KCTD8: variants seen among roughly 807,000 people sequenced by gnomAD.
The protein encoded by KCTD8 is BTB/POZ domain-containing protein KCTD8.
Under a neutral mutation model 31.5 loss-of-function variants are expected in KCTD8, and 27 were observed. That is an observed-to-expected ratio of 0.86 (90% CI 0.63 to 1.18). The LOEUF is 1.18. Among genes scored for constraint, KCTD8 ranks in the 50% most tolerant of loss-of-function variants. The pLI, the probability that KCTD8 is intolerant of heterozygous loss-of-function variation, is 0.00. For synonymous variants in KCTD8, 290 were observed against 280.0 expected, an observed-to-expected ratio of 1.04 and a Z score of -0.36; for missense variants, 658 against 647.7, an observed-to-expected ratio of 1.02 and a Z score of -0.17.
intron 1 of KCTD8, among the ~76,000 whole-genome samples, chr4:44,417,469 CA>C (rs1370912332): frequency 1.3e-5 from 2 of 151,892 alleles, no homozygotes; most frequent in African/African-American, 4.8e-5. Flanking sequence ...TGTACTGGCT[CA>C]AAAGAACTTG....
At position 44,240,987 on chromosome 4, in the gene KCTD8, T is replaced by C. The variant is rs149657338; in HGVS notation, c.962-65737A>G. Among the ~76,000 whole-genome samples the C allele has an allele frequency of 3.3e-3, 509 of 152,326 alleles. 11 individuals are homozygous for C. Among genetic ancestry groups the C allele is most frequent in the Admixed American group, 0.031 (474 of 15,288 alleles). On this transcript the variant is annotated intron_variant, in intron 1 of 1. Coordinates refer to ENST00000360029, the MANE Select transcript of KCTD8 (RefSeq NM_198353.3). ...CCATGATCTCAGGCAGAATCACAGA[T>C]GGTTTTGAGACCAAAACCCACACTT... is the stretch of plus-strand genomic sequence containing the variant.
At chr4:44,402,638 A>G (rs1176712226) in intron 1 of KCTD8, among the ~76,000 whole-genome samples, 1 of 152,124 alleles carries the variant, frequency 6.6e-6, no homozygotes, top group African/African-American at 2.4e-5. Flanking sequence ...AAATGTATTT[A>G]CACTTAGATT....
intron 1 of KCTD8, among the ~76,000 whole-genome samples, chr4:44,407,482 G>A (rs1720829356): frequency 6.6e-6 from 1 of 151,470 alleles, no homozygotes; most frequent in African/African-American, 2.4e-5. Context: ...CACCTCCCAG[G>A]TTCAAGAGAT....
At chr4:44,405,548 G>A (rs1012299749) in intron 1 of KCTD8, among the ~76,000 whole-genome samples, 6 of 151,972 alleles carry the variant, frequency 3.9e-5, no homozygotes, top group African/African-American at 1.2e-4. Context: ...GATTACAGGC[G>A]TGAGCCACCG....
chr4:44,210,057 C>A (rs1017299784), intron 1 of KCTD8, among the ~76,000 whole-genome samples: 2 of 152,132 alleles, frequency 1.3e-5, no homozygotes, highest in African/African-American at 4.8e-5. Context: ...GGCAAATTAA[C>A]CTCTCTGAAT....
intron 1 of KCTD8, among the ~76,000 whole-genome samples, chr4:44,185,863 C>CT (rs1713569865): frequency 6.6e-6 from 1 of 151,526 alleles, no homozygotes; most frequent in African/African-American, 2.4e-5. Flanking sequence ...TCCCTGTGTT[C>CT]TGCCCCACCA....
chr4:44,177,466 T>A (rs577934460), intron 1 of KCTD8, among the ~76,000 whole-genome samples: 52 of 152,270 alleles, frequency 3.4e-4, no homozygotes, highest in African/African-American at 1.2e-3. Flanking sequence ...CACCCAAATA[T>A]CATCTTGAAT....
At chr4:44,375,268 C>T (rs1719890894) in intron 1 of KCTD8, among the ~76,000 whole-genome samples, 2 of 152,064 alleles carry the variant, frequency 1.3e-5, no homozygotes, top group Non-Finnish European at 2.9e-5. Flanking sequence ...GAAGACAGAA[C>T]TCCAGAAAGT....
intron 1 of KCTD8, among the ~76,000 whole-genome samples, chr4:44,221,018 C>T (rs918549884): frequency 6.6e-6 from 1 of 152,080 alleles, no homozygotes. Context: ...CATTGTATGT[C>T]GTCATCACTG....
intron 1 of KCTD8, among the ~76,000 whole-genome samples, chr4:44,326,710 T>C (rs952566615): frequency 1.3e-5 from 2 of 151,994 alleles, no homozygotes; most frequent in African/African-American, 4.8e-5. Flanking sequence ...ATGAGTCTAG[T>C]TGTTTGTCTA....
chr4:44,316,673 G>A (rs577611695), intron 1 of KCTD8, among the ~76,000 whole-genome samples: 10 of 151,536 alleles, frequency 6.6e-5, no homozygotes, highest in South Asian at 2.1e-4. Flanking sequence ...AAATCAGGCC[G>A]GGCGTGGTGG....
In KCTD8 at chr4:44,300,946, TATGAGTGAGAAC is replaced by T. The variant is rs1392729108; in HGVS notation, c.962-125708_962-125697del. 2.8e-5 allele frequency among the ~76,000 whole-genome samples: 4 copies of T among 143,196 alleles called. No individual in the cohort carries two copies. The Admixed American group carries it at 2.9e-4, about 10-fold the overall frequency. The allele number at this position is 143,196 out of a possible 152,430, so 93.9% of individuals were successfully genotyped here. ...ATGTTCTCATTGTTCAATTCCCATC[TATGAGTGAGAAC>T]ATGCGGTGTTTGGTTTTTTGTCCTT... is the stretch of plus-strand genomic sequence containing the variant. On this transcript the variant is annotated intron_variant, in intron 1 of 1. Transcript: ENST00000360029.
intron 1 of KCTD8, among the ~76,000 whole-genome samples, chr4:44,250,875 T>C (rs1040148974): frequency 2.0e-5 from 3 of 151,768 alleles, no homozygotes; most frequent in Non-Finnish European, 4.4e-5. Flanking sequence ...TTCATTTACT[T>C]AGTGTGTCTT....
intron 1 of KCTD8, among the ~76,000 whole-genome samples, chr4:44,247,769 C>A (rs1715709702): frequency 6.6e-6 from 1 of 151,782 alleles, no homozygotes; most frequent in Non-Finnish European, 1.5e-5. Flanking sequence ...CCTCCAAGTT[C>A]ATTCATGTTG....
chr4:44,448,073 T>C lies in KCTD8; in HGVS notation c.451A>G (p.Thr151Ala), dbSNP rs767141209. The C allele has an allele frequency of 5.0e-6, 8 of 1,612,320 alleles. No individual in the cohort carries two copies. The highest frequency in any genetic ancestry group is 1.3e-5 in the African/African-American group (1 of 74,838). Residue 151 changes from threonine (T) to alanine (A), a missense_variant, in exon 1 of 2, where the codon ACC (threonine) becomes GCC (alanine). Thr to Ala is a moderately conservative substitution (Grantham distance 58). Coordinates refer to ENST00000360029, the MANE Select transcript of KCTD8 (RefSeq NM_198353.3). This position sits in a 1 kb window ranked among gnomAD's most constrained non-coding sequence, Gnocchi z 4.1. ...TCGTCGTTGAGAGAGTTCTGCTTGG[T>C]GACCTTGGGCGACAGCAGCTTGACC... ...DLVKLLSPKVTKQNSLNDEGC... is the reference protein window; with the variant it reads ...DLVKLLSPKVAKQNSLNDEGC...
At chr4:44,338,352 C>T (rs1718809335) in intron 1 of KCTD8, among the ~76,000 whole-genome samples, 1 of 152,086 alleles carries the variant, frequency 6.6e-6, no homozygotes, top group Admixed American at 6.5e-5. Context: ...GTCAGAACAG[C>T]ATTGAAATAT....
chr4:44,250,942 C>A (rs905480412), intron 1 of KCTD8, among the ~76,000 whole-genome samples: 1 of 151,714 alleles, frequency 6.6e-6, no homozygotes, highest in Non-Finnish European at 1.5e-5. Flanking sequence ...ATTCTTCATT[C>A]TTTTCCTTCA....
chr4:44,316,678 T>C (rs953185193), intron 1 of KCTD8, among the ~76,000 whole-genome samples: 2 of 149,168 alleles, frequency 1.3e-5, no homozygotes, highest in African/African-American at 2.5e-5. Context: ...AGGCCGGGCG[T>C]GGTGGCTCAT....
At chr4:44,418,418 C>T (rs186773046) in intron 1 of KCTD8, among the ~76,000 whole-genome samples, 2 of 152,174 alleles carry the variant, frequency 1.3e-5, no homozygotes, top group East Asian at 3.9e-4. Flanking sequence ...GTAATATTGT[C>T]CATTCAAATA....
Sources: gnomAD v4.1 joint callset for allele counts (sites outside exome capture counted in the v4.1 genomes callset) on GRCh38, gnomAD v4.1.1 for gene constraint, Gnocchi (gnomAD v3.1) non-coding constraint, MANE v1.5 for transcripts, NCBI Gene and HGNC (gene_info 2026-07-23, HGNC 2026-07-21) for gene names.